FAM177B: variants seen among roughly 807,000 people sequenced by gnomAD.
The protein encoded by FAM177B is protein FAM177B.
Under a neutral mutation model 16.1 loss-of-function variants are expected in FAM177B, and 16 were observed. That is an observed-to-expected ratio of 0.99 (90% confidence interval 0.67 to 1.51). The LOEUF (loss-of-function observed/expected upper bound fraction) is 1.51, where lower values mean the gene tolerates loss of function less well. Among genes scored for constraint, FAM177B ranks in the 40% most tolerant of loss-of-function variants. The pLI is 0.00. For synonymous variants in FAM177B, 56 were observed against 59.9 expected, an observed-to-expected ratio of 0.93 and a Z score of 0.30; for missense variants, 178 against 183.7, an observed-to-expected ratio of 0.97 and a Z score of 0.18.
intron 4 of FAM177B, chr1:222,747,457 CAAT>C (rs1279313071): frequency 5.5e-6 from 1 of 180,270 alleles, no homozygotes; most frequent in Non-Finnish European, 1.2e-5. Flanking sequence ...GTTAAAAAAA[CAAT>C]GATTGTTGTA....
At chr1:222,747,354 G>T (rs1049997170) in intron 4 of FAM177B, 2 of 341,922 alleles carry the variant, frequency 5.8e-6, no homozygotes, top group Non-Finnish European at 1.1e-5. Flanking sequence ...ATACAAAACT[G>T]CTATAGATGC....
At chr1:222,742,817 T>C (rs568201625) in intron 2 of FAM177B, among the ~76,000 whole-genome samples, 116 of 150,102 alleles carry the variant, frequency 7.7e-4, no homozygotes, top group African/African-American at 2.7e-3. Flanking sequence ...ATTTTTTTTT[T>C]CTGCAATTTG....
chr1:222,742,496 A>C (rs1658601293), intron 2 of FAM177B: 1 of 152,180 alleles, frequency 6.6e-6, no homozygotes, highest in Non-Finnish European at 1.5e-5. Context: ...GAAAGCTATT[A>C]TTAGGTAAAT....
chr1:222,739,199 C>A (rs987075338), intron 2 of FAM177B, among the ~76,000 whole-genome samples: 2 of 152,004 alleles, frequency 1.3e-5, no homozygotes, highest in African/African-American at 4.8e-5. Flanking sequence ...GACTATTAGG[C>A]CTTATTTTTA....
chr1:222,740,375 G>A (rs143109952), intron 2 of FAM177B, among the ~76,000 whole-genome samples: 5 of 152,100 alleles, frequency 3.3e-5, no homozygotes, highest in Admixed American at 3.3e-4. Context: ...TATGATTATT[G>A]ACTTAACTTG....
Position 222,750,301 on chromosome 1 carries a change from C to G in FAM177B, c.*243C>G, listed in dbSNP as rs1473885387. 7.7e-6 allele frequency: 10 copies of G among 1,301,518 alleles called. No individual in the cohort carries two copies. Among genetic ancestry groups the G allele is most frequent in the African/African-American group, 3.0e-5 (2 of 66,926 alleles). 80.6% of individuals were successfully genotyped at this position (1,301,518 alleles called of 1,614,324 possible). ...GAATAATTTCTATATTCAAGCCACCCCACCTCAACTCCACCCCTGTGATAC... is the reference window on the plus strand; with the variant it reads ...GAATAATTTCTATATTCAAGCCACCGCACCTCAACTCCACCCCTGTGATAC... On this transcript the variant is annotated 3_prime_UTR_variant, in exon 6 of 6. Coordinates refer to ENST00000445590, the MANE Select transcript of FAM177B (RefSeq NM_001394345.1).
At chr1:222,738,359 C>T (rs1658379774) in intron 2 of FAM177B, among the ~76,000 whole-genome samples, 1 of 151,924 alleles carries the variant, frequency 6.6e-6, no homozygotes, top group African/African-American at 2.4e-5. Flanking sequence ...ACATTATATA[C>T]TTAGGAACTA....
intron 2 of FAM177B, among the ~76,000 whole-genome samples, chr1:222,740,117 T>A (rs1169568539): frequency 6.6e-6 from 1 of 152,230 alleles, no homozygotes; most frequent in Non-Finnish European, 1.5e-5. Flanking sequence ...AGATACCACA[T>A]CACCTTGCTG....
chr1:222,745,837 C>T (rs1658770458), intron 2 of FAM177B, among the ~76,000 whole-genome samples: 1 of 152,090 alleles, frequency 6.6e-6, no homozygotes, highest in African/African-American at 2.4e-5. Context: ...TCACTTGAAC[C>T]CAGGAGGCAG....
chr1:222,748,801 G>A (rs1658915314), intron 4 of FAM177B, among the ~76,000 whole-genome samples: 1 of 152,162 alleles, frequency 6.6e-6, no homozygotes, highest in South Asian at 2.1e-4. Flanking sequence ...TATCCCAAGA[G>A]GTAGAATGAG....
chr1:222,741,057 C>CTTTT (rs369907456), intron 2 of FAM177B, among the ~76,000 whole-genome samples: 1,091 of 82,152 alleles, frequency 0.013, 21 homozygotes, highest in Non-Finnish European at 0.017. Context: ...TTTTTGTTTT[C>CTTTT]TTTTTTTTTT....
rs756885886 is a variant in FAM177B, at chr1:222,746,537, T to C, written c.-9T>C. Reference sequence around the variant, plus strand: ...CCTGTTTTTAATTTTCTAGTTGTTTTGTTTCATTATGGAGATTGACGGTTT... The same window carrying C: ...CCTGTTTTTAATTTTCTAGTTGTTTCGTTTCATTATGGAGATTGACGGTTT... On this transcript the variant is annotated 5_prime_UTR_variant, in exon 3 of 6. Transcript: ENST00000445590. 6 of 1,571,582 alleles carry C rather than the reference T, an allele frequency of 3.8e-6. No individual in the cohort carries two copies. The highest frequency in any genetic ancestry group is 5.2e-6 in the Non-Finnish European group (6 of 1,153,076).
chr1:222,747,181 C>T lies in FAM177B; in HGVS notation c.241+100C>T, dbSNP rs543603344. On this transcript the variant is annotated intron_variant, in intron 4 of 5. Coordinates refer to ENST00000445590, the MANE Select transcript of FAM177B (RefSeq NM_001394345.1). ...CTTCCAATTGTGTAAGCCACTCCAT[C>T]GCATCCTGAATAAGTGAGATCTGGG... 2.0e-5 allele frequency: 16 copies of T among 818,510 alleles called. 1 individual carries two copies. Among genetic ancestry groups the T allele is most frequent in the South Asian group, 1.9e-4 (13 of 70,216 alleles). The allele number at this position is 818,510 out of a possible 1,614,324, so 50.7% of individuals were successfully genotyped here.
At position 222,737,951 on chromosome 1, in the gene FAM177B, T is replaced by C. The variant is rs1658355821; in HGVS notation, c.-86T>C. 6.6e-6 allele frequency: 1 copy of C among 152,216 alleles called. No homozygotes were observed. The highest frequency in any genetic ancestry group is 1.5e-5 in the Non-Finnish European group (1 of 68,072). 9.4% of individuals were successfully genotyped at this position (152,216 alleles called of 1,614,324 possible). A position where few individuals can be genotyped will look rare whatever the true frequency, so the allele number is the denominator to read the frequency against. On this transcript the variant is annotated 5_prime_UTR_variant, in exon 2 of 6. Transcript: ENST00000445590. ...AGAAGAACCAAGAATGACTTTAGTG[T>C]TGTTGGCCTGAGCAACTGGAAGAAC...
At chr1:222,746,787 A>C in intron 3 of FAM177B, 68 bp downstream of exon 3, 1 of 1,332,754 alleles carries the variant, frequency 7.5e-7, no homozygotes. Flanking sequence ...AGATTGAGCC[A>C]GACAAGGTTT....
At position 222,750,180 on chromosome 1, in the gene FAM177B, C is replaced by T. The variant is rs1294127255; in HGVS notation, c.*122C>T. ...CATGGCAACAACACCAGAGGTAGCA[C>T]TTCTGAGCCAGATCTGATCCTAATC... On this transcript the variant is annotated 3_prime_UTR_variant, in exon 6 of 6. Transcript: ENST00000445590. The T allele has an allele frequency of 1.1e-5, 16 of 1,498,314 alleles. No homozygotes were observed. In the East Asian group the frequency reaches 3.7e-4, roughly 34 times the overall value. 92.8% of individuals were successfully genotyped at this position (1,498,314 alleles called of 1,614,324 possible).
intron 2 of FAM177B, among the ~76,000 whole-genome samples, chr1:222,743,599 A>G (rs1236828479): frequency 6.6e-6 from 1 of 151,754 alleles, no homozygotes; most frequent in Non-Finnish European, 1.5e-5. Flanking sequence ...TTTTCACAGC[A>G]TATGAGGACT....
intron 2 of FAM177B, among the ~76,000 whole-genome samples, chr1:222,743,272 C>T (rs1658632822): frequency 6.6e-6 from 1 of 152,068 alleles, no homozygotes; most frequent in African/African-American, 2.4e-5. Flanking sequence ...CTCAGCTTCC[C>T]AAGTAGCTGG....
intron 2 of FAM177B, among the ~76,000 whole-genome samples, chr1:222,741,943 TTTCTTTCTTTCCTTCC>T (rs1188064558): frequency 1.4e-5 from 2 of 138,392 alleles, no homozygotes; most frequent in African/African-American, 5.4e-5. Flanking sequence ...TCTTTCTTTC[TTTCTTTCTTTCCTTCC>T]TTCTTTCTTT....
Sources: gnomAD v4.1 joint callset for allele counts (sites outside exome capture counted in the v4.1 genomes callset) on GRCh38, gnomAD v4.1.1 for gene constraint, MANE v1.5 for transcripts, NCBI Gene and HGNC (gene_info 2026-07-23, HGNC 2026-07-21) for gene names.